KMT2E: variants seen among roughly 807,000 people sequenced by gnomAD.
KMT2E encodes lysine methyltransferase 2E (inactive).
A neutral mutation model predicts 184.6 loss-of-function variants in KMT2E; 30 were observed. The ratio of observed to expected loss-of-function variants is 0.16; its 90% CI spans 0.12 to 0.22. KMT2E has a LOEUF of 0.22. Among genes scored for constraint, KMT2E ranks in the 10% least tolerant of loss-of-function variants. KMT2E has a pLI of 1.00. For missense variants in KMT2E, 2,023 were observed against 2,237.4 expected (o/e 0.90, Z 1.93); for synonymous variants, 815 against 776.5 (o/e 1.05, Z -0.82).
chr7:105,085,792 T>C lies in KMT2E; in HGVS notation c.1358+3995T>C, dbSNP rs1212152154. Reference sequence around the variant, plus strand: ...TCCGCTTCCCAGGTTCATGCCATTCTCCCGCCTCGGAGAGTATAGGCACCC... The same window carrying C: ...TCCGCTTCCCAGGTTCATGCCATTCCCCCGCCTCGGAGAGTATAGGCACCC... On this transcript the variant is annotated intron_variant, in intron 13 of 26. Coordinates refer to ENST00000311117, the MANE Select transcript of KMT2E (RefSeq NM_182931.3). 2.0e-5 allele frequency among the ~76,000 whole-genome samples: 3 copies of C among 151,956 alleles called. No homozygotes were observed. The East Asian group carries it at 5.9e-4, about 30-fold the overall frequency.
intron 15 of KMT2E, among the ~76,000 whole-genome samples, chr7:105,097,711 T>A (rs1296253785): frequency 6.6e-6 from 1 of 152,206 alleles, no homozygotes; most frequent in Admixed American, 6.5e-5. Context: ...AGGTACTCAG[T>A]TCAAACAAAA....
chr7:105,041,869 T>C (rs533918857), intron 3 of KMT2E, among the ~76,000 whole-genome samples: 8 of 152,348 alleles, frequency 5.3e-5, no homozygotes, highest in Admixed American at 3.3e-4. Context: ...TATTTTTTTT[T>C]CTGCTGCTTT....
In KMT2E at chr7:105,111,951, C is replaced by G. The variant is rs747079148; in HGVS notation, c.4195C>G (p.Leu1399Val). 6.2e-7 allele frequency: 1 copy of G among 1,614,112 alleles called. No homozygotes were observed. The highest frequency in any genetic ancestry group is 1.1e-5 in the South Asian group (1 of 91,080). Residue 1399 changes from leucine (L) to valine (V), a missense_variant, in exon 27 of 27, where the codon CTC becomes GTC. By Grantham distance (32) the Leu-to-Val change is conservative. Coordinates refer to ENST00000311117, the MANE Select transcript of KMT2E (RefSeq NM_182931.3). ...AENGVHLKTE[L>V]QQKQLSNNNQ... ...AAATGGTGTTCACCTAAAAACAGAG[C>G]TCCAACAAAAACAGCTATCAAATAA...
In KMT2E at chr7:105,063,501, A is replaced by G. The variant is rs1481079426; in HGVS notation, c.337A>G (p.Ser113Gly). 2.5e-6 allele frequency: 4 copies of G among 1,613,774 alleles called. No individual in the cohort carries two copies. In the African/African-American group the frequency reaches 4.0e-5, roughly 16 times the overall value. ...ATTISTSEDG[S>G]YGTDVTRCIC... ...TACAATCAGCACATCTGAGGATGGA[A>G]GTTATGGTACTGATGTAACCAGGTG... The change falls in exon 5 of 27, where the codon AGT (serine) becomes GGT (glycine). Residue 113 changes from serine to glycine, a missense_variant. Physicochemically the swap from Ser to Gly is moderately conservative, Grantham distance 56. Transcript: ENST00000311117.
rs1299423882 is a variant in KMT2E, at chr7:105,078,881, A to C, written c.1166A>C (p.His389Pro). 9 of 1,606,192 alleles carry C rather than the reference A, an allele frequency of 5.6e-6. No individual in the cohort carries two copies. In the East Asian group the frequency reaches 2.0e-4, roughly 36 times the overall value. ...TTTGTGTTATTCTACTCTAAATTTCATGGGCTAGAAATGTGTGTTGATGCA... is the reference window on the plus strand; with the variant it reads ...TTTGTGTTATTCTACTCTAAATTTCCTGGGCTAGAAATGTGTGTTGATGCA... ...YPFVLFYSKF[H>P]GLEMCVDART... The change falls in exon 12 of 27, where the codon CAT becomes CCT. Residue 389 changes from histidine to proline, a missense_variant. Physicochemically the swap from His to Pro is moderately conservative, Grantham distance 77. Around this residue, in one of 8 missense-constraint regions of KMT2E, gnomAD observed 68 missense variants for 133.1 expected, o/e 0.51. Coordinates refer to ENST00000311117, the MANE Select transcript of KMT2E (RefSeq NM_182931.3).
At chr7:105,084,484 G>A (rs1284034605) in intron 13 of KMT2E, among the ~76,000 whole-genome samples, 6 of 151,974 alleles carry the variant, frequency 3.9e-5, no homozygotes, top group Admixed American at 2.0e-4. Flanking sequence ...AAAATTATCC[G>A]GGCGTGGTGG....
At chr7:105,074,278 G>A (rs1797442580) in intron 7 of KMT2E, among the ~76,000 whole-genome samples, 1 of 152,020 alleles carries the variant, frequency 6.6e-6, no homozygotes, top group Non-Finnish European at 1.5e-5. Flanking sequence ...TTTTATCTTT[G>A]GCTAGATCTC....
chr7:105,027,654 A>G (rs188375709), intron 1 of KMT2E, among the ~76,000 whole-genome samples: 8 of 152,234 alleles, frequency 5.3e-5, no homozygotes, highest in Admixed American at 3.9e-4. Flanking sequence ...GTTGTATTAT[A>G]CTAGTCTTCC....
At chr7:105,057,719 T>C (rs1584739040) in intron 3 of KMT2E, among the ~76,000 whole-genome samples, 1 of 152,166 alleles carries the variant, frequency 6.6e-6, no homozygotes, top group Non-Finnish European at 1.5e-5. Context: ...CCAAAAGTGC[T>C]GTGATCGTAA....
rs191266237 is a variant in KMT2E at position 105,097,365 on chromosome 7, G to C, written c.1723-4060G>C. ...AGTAATTAATGACATTGTGGTGTTAGTGAAAGGGAACCTGTTTATTATTTT... is the reference window on the plus strand; with the variant it reads ...AGTAATTAATGACATTGTGGTGTTACTGAAAGGGAACCTGTTTATTATTTT... On this transcript the variant is annotated intron_variant, in intron 15 of 26. Coordinates refer to ENST00000311117, the MANE Select transcript of KMT2E (RefSeq NM_182931.3). 2.0e-5 allele frequency among the ~76,000 whole-genome samples: 3 copies of C among 152,166 alleles called. No homozygotes were observed. In the East Asian group the frequency reaches 5.8e-4, roughly 29 times the overall value.
At chr7:105,014,654 C>T (rs1794633129) in intron 1 of KMT2E, 119 bp downstream of exon 1, 1 of 152,186 alleles carries the variant, frequency 6.6e-6, no homozygotes, top group Admixed American at 6.5e-5. Flanking sequence ...GACGTTGACT[C>T]TCAGGTGTCT....
rs1319444361 is a variant in KMT2E, at chr7:105,112,233, C to T, written c.4477C>T (p.Arg1493Ter). Reference sequence around the variant, plus strand: ...GTCACCTCAAGTTGGAACACCTCAGCGAGAGCCTCAAAGAAACTTTTATCC... The same window carrying T: ...GTCACCTCAAGTTGGAACACCTCAGTGAGAGCCTCAAAGAAACTTTTATCC... ...SQSPQVGTPQ[R>*]EPQRNFYPAA... Residue 1493 changes from arginine (R) to a stop codon, truncating the protein, a stop_gained, in exon 27 of 27, where the codon CGA becomes TGA. Coordinates refer to ENST00000311117, the MANE Select transcript of KMT2E (RefSeq NM_182931.3). LOFTEE classifies it high-confidence loss of function. 6.2e-7 allele frequency: 1 copy of T among 1,614,144 alleles called. No homozygotes were observed. Among genetic ancestry groups the T allele is most frequent in the Non-Finnish European group, 8.5e-7 (1 of 1,180,018 alleles).
chr7:105,054,532 T>C (rs1055002432), intron 3 of KMT2E, among the ~76,000 whole-genome samples: 5 of 151,306 alleles, frequency 3.3e-5, no homozygotes, highest in Admixed American at 2.6e-4. Flanking sequence ...GTCTGTCTAT[T>C]TGAGATGGAG....
rs748201684 is a variant in KMT2E, at chr7:105,108,926, A to G, written c.3469-16A>G. The G allele has an allele frequency of 1.3e-5, 21 of 1,574,810 alleles. No homozygotes were observed. The highest frequency in any genetic ancestry group is 1.6e-5 in the Non-Finnish European group (19 of 1,155,720). ...AAGAATAAAAGATTTGCTTTTTCTC[A>G]TCTTTCTTGCTTAAGGTTTCTCTAT... On this transcript the variant is annotated splice_polypyrimidine_tract_variant and intron_variant, in intron 22 of 26. Coordinates refer to ENST00000311117, the MANE Select transcript of KMT2E (RefSeq NM_182931.3).
Position 105,040,217 on chromosome 7 carries a change from G to C in KMT2E, c.-114-622G>C, listed in dbSNP as rs138007187. 2.1e-3 allele frequency among the ~76,000 whole-genome samples: 325 copies of C among 152,274 alleles called. 1 individual carries two copies. Among genetic ancestry groups the C allele is most frequent in the African/African-American group, 7.5e-3 (312 of 41,560 alleles). On this transcript the variant is annotated intron_variant, in intron 2 of 26. Coordinates refer to ENST00000311117, the MANE Select transcript of KMT2E (RefSeq NM_182931.3). ...CAAACAGTAGAGTAGAATTGGTTCA[G>C]ATCCTGGTTTCATCTCTTAAGTGGA...
At chr7:105,080,658 A>G (rs1490137859) in intron 12 of KMT2E, among the ~76,000 whole-genome samples, 2 of 152,258 alleles carry the variant, frequency 1.3e-5, no homozygotes, top group East Asian at 1.9e-4. Flanking sequence ...CATATAAAGT[A>G]TATAGAATAG....
rs765115742 is a variant in KMT2E, at chr7:105,113,232, G to C, written c.5476G>C (p.Gly1826Arg). 1 of 1,614,208 alleles carries C rather than the reference G, an allele frequency of 6.2e-7. No homozygotes were observed. The highest frequency in any genetic ancestry group is 1.7e-5 in the Admixed American group (1 of 60,030). Residue 1826 changes from glycine to arginine, a missense_variant, in exon 27 of 27, where the codon GGA becomes CGA. Physicochemically the swap from Gly to Arg is moderately radical, Grantham distance 125. Coordinates refer to ENST00000311117, the MANE Select transcript of KMT2E (RefSeq NM_182931.3). ...GSVALPHGVQ[G>R]PQQASPVPGQ... is the part of the protein sequence containing the mutation. ...TGTGGCCCTGCCACATGGGGTTCAA[G>C]GACCTCAGCAGGCATCTCCAGTGCC...
At chr7:105,067,821 G>A (rs569451823) in intron 6 of KMT2E, among the ~76,000 whole-genome samples, 2 of 152,046 alleles carry the variant, frequency 1.3e-5, no homozygotes, top group South Asian at 4.2e-4. Flanking sequence ...AAATACAGAA[G>A]ATGAGCCAGG....
chr7:105,019,704 A>G (rs1038488077), intron 1 of KMT2E, among the ~76,000 whole-genome samples: 4 of 152,190 alleles, frequency 2.6e-5, no homozygotes, highest in African/African-American at 7.2e-5. Context: ...CTTTATTTTT[A>G]CGACAATTGG....
Sources: allele counts gnomAD v4.1 joint callset (sites outside exome capture counted in the v4.1 genomes callset), GRCh38; gene constraint gnomAD v4.1.1; regional missense constraint gnomAD v4.1.1; transcripts MANE v1.5; gene names NCBI Gene and HGNC (gene_info 2026-07-23, HGNC 2026-07-21).